FBXL5: variants seen among roughly 807,000 people sequenced by gnomAD.
FBXL5 encodes F-box/LRR-repeat protein 5.
In FBXL5, 26 loss-of-function variants were observed where a neutral mutation model predicts 78.3. The ratio of observed to expected loss-of-function variants is 0.33; its 90% confidence interval spans 0.24 to 0.46. The LOEUF (loss-of-function observed/expected upper bound fraction) is 0.46, where lower values mean the gene tolerates loss of function less well. Among genes scored for constraint, FBXL5 ranks in the 20% least tolerant of loss-of-function variants. The pLI, the probability that FBXL5 is intolerant of heterozygous loss-of-function variation, is 1.00. For synonymous variants in FBXL5, 295 were observed against 282.5 expected (o/e 1.04, Z -0.45); for missense variants, 710 against 829.2 (o/e 0.86, Z 1.77).
chr4:15,639,214 C>G (rs1018156681), intron 3 of FBXL5, among the ~76,000 whole-genome samples: 3 of 152,144 alleles, frequency 2.0e-5, no homozygotes, highest in Non-Finnish European at 4.4e-5. Context: ...GTTTCTCCAG[C>G]TAGTAAATCA....
chr4:15,640,751 T>C (rs770687881), intron 3 of FBXL5, 37 bp downstream of exon 3: 4 of 1,118,952 alleles, frequency 3.6e-6, no homozygotes, highest in Non-Finnish European at 5.2e-6. Context: ...TTTAAGAATG[T>C]TATAAATCTA....
At chr4:15,650,558 C>T (rs1293411211) in intron 1 of FBXL5, among the ~76,000 whole-genome samples, 1 of 151,826 alleles carries the variant, frequency 6.6e-6, no homozygotes, top group Non-Finnish European at 1.5e-5. Context: ...ACTCTGATGC[C>T]TCACAAATTC....
At chr4:15,640,905 C>A in intron 2 of FBXL5, 22 bp from the exon 3 acceptor site, 3 of 1,274,900 alleles carry the variant, frequency 2.4e-6, no homozygotes, top group Middle Eastern at 2.0e-4. Flanking sequence ...AAAAAAAATA[C>A]ATTTTTATAA....
chr4:15,665,680 T>G (rs1006921467), intron 1 of FBXL5, among the ~76,000 whole-genome samples: 2 of 152,130 alleles, frequency 1.3e-5, no homozygotes, highest in Non-Finnish European at 2.9e-5. Context: ...AAAAATAAAA[T>G]TCTATGCTAG....
At chr4:15,674,774 C>G (rs60752296) in intron 1 of FBXL5, among the ~76,000 whole-genome samples, 5 of 151,944 alleles carry the variant, frequency 3.3e-5, no homozygotes, top group East Asian at 1.9e-4. Context: ...CTCAGCCTCC[C>G]TAGTAGCTGG....
At chr4:15,654,659 T>G (rs1716605600) in intron 1 of FBXL5, among the ~76,000 whole-genome samples, 1 of 151,796 alleles carries the variant, frequency 6.6e-6, no homozygotes, top group Admixed American at 6.6e-5. Flanking sequence ...AAGCCGGGGG[T>G]AAAAGGAACC....
At chr4:15,626,714 ATGAG>A (rs368903238) in intron 8 of FBXL5, among the ~76,000 whole-genome samples, 155 bp downstream of exon 8, 12 of 152,378 alleles carry the variant, frequency 7.9e-5, no homozygotes, top group Middle Eastern at 3.4e-3. Context: ...GCTGGGACCT[ATGAG>A]TAAGAAGTGA....
intron 5 of FBXL5, among the ~76,000 whole-genome samples, chr4:15,632,120 A>T (rs1028862656): frequency 2.0e-5 from 3 of 152,210 alleles, no homozygotes; most frequent in Non-Finnish European, 4.4e-5. Context: ...ATCCAGTTTC[A>T]GCTATCTACA....
upstream of FBXL5, among the ~76,000 whole-genome samples, chr4:15,661,899 A>G (rs1012613868): frequency 2.0e-5 from 3 of 152,196 alleles, no homozygotes; most frequent in African/African-American, 4.8e-5. Flanking sequence ...GTGGCTGTTG[A>G]GAGGCCTCAC....
At chr4:15,679,718 TTATC>T (rs1286695447) in intron 1 of FBXL5, among the ~76,000 whole-genome samples, 1 of 150,568 alleles carries the variant, frequency 6.6e-6, no homozygotes, top group African/African-American at 2.4e-5. Context: ...AGGATTTTAC[TTATC>T]TATCAAAAAA....
intron 4 of FBXL5, among the ~76,000 whole-genome samples, chr4:15,637,319 G>A (rs1714384772): frequency 6.6e-6 from 1 of 152,136 alleles, no homozygotes; most frequent in Non-Finnish European, 1.5e-5. Context: ...ACTATTGCAG[G>A]AAGTACTTAT....
intron 4 of FBXL5, among the ~76,000 whole-genome samples, chr4:15,637,380 A>C (rs551414115): frequency 1.4e-4 from 22 of 152,220 alleles, no homozygotes; most frequent in Admixed American, 3.3e-4. Context: ...CCAAAATAAA[A>C]ATGAAAATGA....
At chr4:15,660,355 T>C (rs1220593298), upstream of FBXL5, among the ~76,000 whole-genome samples, 1 of 152,112 alleles carries the variant, frequency 6.6e-6, no homozygotes, top group Non-Finnish European at 1.5e-5. Flanking sequence ...GCACTGGGAT[T>C]ACAGGCATGA....
chr4:15,633,656 C>T (rs1420922864), intron 5 of FBXL5, among the ~76,000 whole-genome samples: 1 of 152,206 alleles, frequency 6.6e-6, no homozygotes, highest in African/African-American at 2.4e-5. Flanking sequence ...TGCAATGGCA[C>T]AGTCTCCGCT....
intron 1 of FBXL5, among the ~76,000 whole-genome samples, chr4:15,680,713 A>T (rs973505545): frequency 3.3e-5 from 5 of 152,040 alleles, no homozygotes; most frequent in Non-Finnish European, 5.9e-5. Context: ...AGAATCAAAA[A>T]TTTTTAAAAA....
At chr4:15,627,004 G>C in intron 7 of FBXL5, 49 bp from the exon 8 acceptor site, 2 of 1,198,462 alleles carry the variant, frequency 1.7e-6, no homozygotes, top group South Asian at 1.3e-5. Flanking sequence ...ACTTCAGTTA[G>C]CTAAGTAACA....
chr4:15,680,940 T>A lies in FBXL5; in HGVS notation c.-284+443A>T, dbSNP rs191899465. Among the ~76,000 whole-genome samples the A allele has an allele frequency of 4.8e-3, 719 of 148,902 alleles. 23 individuals are homozygous for A. The highest frequency in any genetic ancestry group is 0.046 in the Admixed American group (683 of 14,874). On this transcript the variant is annotated intron_variant, in intron 1 of 4. Transcript: ENST00000507899. ...ATATAAGAATATATATATATTCTCCTTTATATGTTTTTTGTTTCACATATA... is the reference window on the plus strand; with the variant it reads ...ATATAAGAATATATATATATTCTCCATTATATGTTTTTTGTTTCACATATA...
chr4:15,662,415 GTGT>G (rs1717355523), upstream of FBXL5, among the ~76,000 whole-genome samples: 3 of 152,176 alleles, frequency 2.0e-5, 1 homozygote, highest in East Asian at 3.8e-4. Flanking sequence ...ATACTTCATA[GTGT>G]TGTTGTAAAG....
chr4:15,605,876 T>G, intron 10 of FBXL5, 77 bp from the exon 11 acceptor site: 115 of 927,368 alleles, frequency 1.2e-4, no homozygotes, highest in Middle Eastern at 2.1e-4. Flanking sequence ...ATGAAGGAGT[T>G]AAACATTCAT....
Sources: gnomAD v4.1 joint callset for allele counts (sites outside exome capture counted in the v4.1 genomes callset) on GRCh38, gnomAD v4.1.1 for gene constraint, MANE v1.5 for transcripts, NCBI Gene and HGNC (gene_info 2026-07-23, HGNC 2026-07-21) for gene names.